CDC14B: variants seen among roughly 807,000 people sequenced by gnomAD.
CDC14B encodes the protein cell division cycle 14B.
CDC14B carries 22 observed loss-of-function variants against 64.2 expected under a neutral mutation model. The ratio of observed to expected loss-of-function variants is 0.34; its 90% CI spans 0.24 to 0.49. The LOEUF is 0.49. Among genes scored for constraint, CDC14B ranks in the 20% least tolerant of loss-of-function variants. The probability of loss-of-function intolerance (pLI) is 0.99; values close to 1 mark genes in which losing one functional copy is unlikely to be tolerated. For synonymous variants in CDC14B, 191 were observed against 215.8 expected (o/e 0.89, Z 1.01); for missense variants, 498 against 629.9 (o/e 0.79, Z 2.24).
rs540680610 is a variant in CDC14B at position 96,581,099 on chromosome 9, G to A, written c.161-15616C>T. On this transcript the variant is annotated intron_variant, in intron 1 of 13. Coordinates refer to ENST00000375241, the MANE Select transcript of CDC14B (RefSeq NM_033331.4). ...ACAAAAATTAGCCAGGCATGGTGGC[G>A]CGCGCCTGTAATCCCAGCTACTCAG... Among the ~76,000 whole-genome samples, 215 of 152,098 alleles carry A rather than the reference G, an allele frequency of 1.4e-3. 2 individuals are homozygous for A. Among genetic ancestry groups the A allele is most frequent in the African/African-American group, 4.8e-3 (201 of 41,486 alleles).
At chr9:96,507,444 C>CTT (rs1834313389) in intron 13 of CDC14B, among the ~76,000 whole-genome samples, 1 of 150,148 alleles carries the variant, frequency 6.7e-6, no homozygotes, top group Non-Finnish European at 1.5e-5. Context: ...GAGACAGAGT[C>CTT]TTGCTCTGTT....
Position 96,523,381 on chromosome 9 carries a change from A to G in CDC14B, c.1125T>C (p.Arg375=). 1.2e-6 allele frequency: 2 copies of G among 1,614,152 alleles called. No individual in the cohort carries two copies. Among genetic ancestry groups the G allele is most frequent in the Non-Finnish European group, 1.7e-6 (2 of 1,180,022 alleles). Reference sequence around the variant, plus strand: ...CATTCTCCTGCCCCTTTAACTTCTGACGAAAATAGTCCCCTTCCAGCCAGA... The same window carrying G: ...CATTCTCCTGCCCCTTTAACTTCTGGCGAAAATAGTCCCCTTCCAGCCAGA... ...TNLWLEGDYF[R]QKLKGQENGQ... is the part of the protein sequence containing the mutation. Residue 375 remains arginine, a synonymous_variant, in exon 11 of 14, where the codon CGT becomes CGC. Transcript: ENST00000375241.
At chr9:96,571,147 TCAGA>T (rs1205408439) in intron 1 of CDC14B, among the ~76,000 whole-genome samples, 1 of 152,046 alleles carries the variant, frequency 6.6e-6, no homozygotes, top group Non-Finnish European at 1.5e-5. Context: ...GAAAAAGCTG[TCAGA>T]CAACTATAAA....
intron 1 of CDC14B, among the ~76,000 whole-genome samples, chr9:96,606,503 T>G (rs1194669306): frequency 6.8e-6 from 1 of 148,064 alleles, no homozygotes; most frequent in African/African-American, 2.5e-5. Flanking sequence ...GGCAACAGAA[T>G]GAGATCTCAT....
chr9:96,586,765 T>C (rs1349321712), intron 1 of CDC14B, among the ~76,000 whole-genome samples: 2 of 151,930 alleles, frequency 1.3e-5, no homozygotes. Flanking sequence ...AGTCCTAAAA[T>C]TGGCACAAAG....
chr9:96,520,879 G>A (rs1426160483), intron 12 of CDC14B, among the ~76,000 whole-genome samples: 1 of 147,182 alleles, frequency 6.8e-6, no homozygotes, highest in Non-Finnish European at 1.5e-5. Context: ...ACTGAAGTCT[G>A]AGAAGCACTG....
intron 5 of CDC14B, among the ~76,000 whole-genome samples, chr9:96,550,443 T>C (rs1042732613): frequency 3.3e-5 from 5 of 152,194 alleles, no homozygotes; most frequent in African/African-American, 9.6e-5. Context: ...TGCCAATAAT[T>C]AGAAATACCC....
intron 5 of CDC14B, among the ~76,000 whole-genome samples, chr9:96,547,632 C>T (rs1053951577): frequency 3.3e-5 from 5 of 151,780 alleles, no homozygotes; most frequent in African/African-American, 1.2e-4. Flanking sequence ...TTTTTTTTCC[C>T]CAAAGAGAAA....
At chr9:96,540,495 T>C (rs960023913) in intron 6 of CDC14B, among the ~76,000 whole-genome samples, 5 of 151,500 alleles carry the variant, frequency 3.3e-5, no homozygotes, top group African/African-American at 1.2e-4. Flanking sequence ...TAGCTGAGCA[T>C]AGCAGAAAAA....
intron 5 of CDC14B, among the ~76,000 whole-genome samples, chr9:96,549,598 G>A (rs1841496571): frequency 6.6e-6 from 1 of 152,108 alleles, no homozygotes; most frequent in East Asian, 1.9e-4. Context: ...TTGGGAGGCA[G>A]AGGTTGCAGT....
chr9:96,521,569 C>A (rs1433234289), intron 12 of CDC14B, among the ~76,000 whole-genome samples: 3 of 152,192 alleles, frequency 2.0e-5, no homozygotes, highest in Non-Finnish European at 4.4e-5. Flanking sequence ...CATAATGACA[C>A]ATGCCTTAGG....
rs548217268 is a variant in CDC14B at position 96,523,646 on chromosome 9, C to T, written c.1026G>A (p.Ala342=). 46 of 1,614,186 alleles carry T rather than the reference C, an allele frequency of 2.8e-5. 1 individual carries two copies. In the South Asian group the frequency reaches 4.1e-4, roughly 14 times the overall value. Reference sequence around the variant, plus strand: ...AGCCAGGTCTGCAGATCCTGACCCACGCAATGGTCTCGGCTGCTGTCATCC... The same window carrying T: ...AGCCAGGTCTGCAGATCCTGACCCATGCAATGGTCTCGGCTGCTGTCATCC... ...HYRMTAAETI[A]WVRICRPGSV... is the part of the protein sequence containing the mutation. The change falls in exon 10 of 14, where the codon GCG becomes GCA. Residue 342 remains alanine, a synonymous_variant. Coordinates refer to ENST00000375241, the MANE Select transcript of CDC14B (RefSeq NM_033331.4).
chr9:96,618,824 T>G, intron 1 of CDC14B: 1 of 321,976 alleles, frequency 3.1e-6, no homozygotes, highest in East Asian at 1.1e-4. Context: ...ATTCAGAGGT[T>G]GTGACTCGCG....
intron 8 of CDC14B, 144 bp from the exon 9 acceptor site, chr9:96,534,301 A>G (rs953372149): frequency 2.6e-6 from 2 of 778,452 alleles, no homozygotes; most frequent in African/African-American, 1.8e-5. Context: ...AAAGAAAAGA[A>G]AGTTAAAATC....
intron 1 of CDC14B, among the ~76,000 whole-genome samples, chr9:96,579,677 C>T (rs1042582253): frequency 1.8e-4 from 28 of 152,236 alleles, no homozygotes; most frequent in African/African-American, 6.7e-4. Flanking sequence ...AGGCGGCAGT[C>T]TGCAAGCCAA....
chr9:96,570,319 AT>A (rs757588796), intron 1 of CDC14B, among the ~76,000 whole-genome samples: 40 of 152,314 alleles, frequency 2.6e-4, no homozygotes, highest in Admixed American at 9.1e-4. Flanking sequence ...ATAATACCGT[AT>A]GTGCTTGTTA....
intron 10 of CDC14B, 54 bp from the exon 11 acceptor site, chr9:96,523,474 A>C (rs1837071272): frequency 1.2e-6 from 2 of 1,602,198 alleles, no homozygotes; most frequent in Admixed American, 1.7e-5. Flanking sequence ...TACATGAACA[A>C]CTTCTTCCTA....
At chr9:96,570,299 G>A (rs372442479) in intron 1 of CDC14B, among the ~76,000 whole-genome samples, 2 of 152,148 alleles carry the variant, frequency 1.3e-5, no homozygotes, top group African/African-American at 4.8e-5. Context: ...TGTAGGAGTC[G>A]GTGGGAATTA....
chr9:96,618,981 G>T (rs1228839355), intron 1 of CDC14B, among the ~76,000 whole-genome samples: 4 of 152,114 alleles, frequency 2.6e-5, no homozygotes, highest in Non-Finnish European at 5.9e-5. Flanking sequence ...TGGTGGAGGA[G>T]GGTGCACAAG....
Sources: gnomAD v4.1 joint callset for allele counts (sites outside exome capture counted in the v4.1 genomes callset) on GRCh38, gnomAD v4.1.1 for gene constraint, MANE v1.5 for transcripts, NCBI Gene and HGNC (gene_info 2026-07-23, HGNC 2026-07-21) for gene names.